Variants in GSE1 observed in about 807,000 individuals in gnomAD.
GSE1 encodes the protein genetic suppressor element 1.
GSE1 carries 32 observed loss-of-function variants against 112.6 expected under a neutral mutation model. The ratio of observed to expected loss-of-function variants is 0.28; its 90% CI spans 0.21 to 0.38. The LOEUF (loss-of-function observed/expected upper bound fraction) is 0.38, where lower values mean the gene tolerates loss of function less well. GSE1 is among the 10% of genes least tolerant of loss of function. The probability of loss-of-function intolerance (pLI) is 1.00; values close to 1 mark genes in which losing one functional copy is unlikely to be tolerated. For synonymous variants in GSE1, 1,115 were observed against 735.6 expected, an observed-to-expected ratio of 1.52 and a Z score of -8.35; for missense variants, 2,348 against 1,699.2, an observed-to-expected ratio of 1.38 and a Z score of -6.71.
At chr16:85,668,013 C>A in intron 13 of GSE1, 127 bp from the exon 14 acceptor site, 3 of 710,842 alleles carry the variant, frequency 4.2e-6, no homozygotes, top group South Asian at 4.0e-5. Context: ...TACGCGATGT[C>A]ATCTTGGTCC....
chr16:85,348,485 C>G (rs2046788760), intron 1 of GSE1, among the ~76,000 whole-genome samples: 1 of 152,214 alleles, frequency 6.6e-6, no homozygotes. Context: ...GGTCCCAGCT[C>G]TTTCTTGGTC....
At chr16:85,169,859 T>C (rs2074329723) in exon 1 of GSE1, 1 of 984,264 alleles carries the variant, frequency 1.0e-6, no homozygotes, top group Non-Finnish European at 1.2e-6. Flanking sequence ...GACAAGCGCA[T>C]GTACTGGCTC....
chr16:85,551,070 C>A (rs1013787189), upstream of GSE1, among the ~76,000 whole-genome samples: 1 of 152,060 alleles, frequency 6.6e-6, no homozygotes, highest in African/African-American at 2.4e-5. Context: ...CCCTTGGCGT[C>A]CCCAGTCTTT....
At chr16:85,169,867 C>T (rs2074329896) in exon 1 of GSE1, 2 of 984,484 alleles carry the variant, frequency 2.0e-6, no homozygotes, top group Non-Finnish European at 1.2e-6. Context: ...CATGTACTGG[C>T]TCAAGCGGCC....
intron 1 of GSE1, among the ~76,000 whole-genome samples, chr16:85,256,537 T>A: frequency 6.6e-6 from 1 of 152,240 alleles, no homozygotes; most frequent in Non-Finnish European, 1.5e-5. Flanking sequence ...GGCACGTTCC[T>A]TGGCGAAGCT....
At chr16:85,422,116 A>C (rs2048859009) in intron 2 of GSE1, among the ~76,000 whole-genome samples, 3 of 151,476 alleles carry the variant, frequency 2.0e-5, no homozygotes, top group South Asian at 2.1e-4. Context: ...TCGAACCCCC[A>C]TGTCCCCAGG....
At position 85,572,272 on chromosome 16, in the gene GSE1, AACACACCACATACCCCCACACACAAC is replaced by A. The variant is rs1184896123; in HGVS notation, c.37+15924_37+15949del. On this transcript the variant is annotated intron_variant, in intron 1 of 2. Transcript: ENST00000635906. ...CACCACACACAACCACACACACACCAACACACCACATACCCCCACACACAACACACACCACATACCACACAACACAC... is the reference window on the plus strand; with the variant it reads ...CACCACACACAACCACACACACACCAACACACCACATACCACACAACACAC... Among the ~76,000 whole-genome samples, 7 of 139,344 alleles carry A rather than the reference AACACACCACATACCCCCACACACAAC, an allele frequency of 5.0e-5. No individual in the cohort carries two copies. In the Admixed American group the frequency reaches 5.0e-4, roughly 10 times the overall value. 91.4% of individuals were successfully genotyped at this position (139,344 alleles called of 152,430 possible).
intron 1 of GSE1, among the ~76,000 whole-genome samples, chr16:85,329,444 G>T (rs2046293979): frequency 6.6e-6 from 1 of 152,030 alleles, no homozygotes; most frequent in South Asian, 2.1e-4. Context: ...CGGGCTGCTG[G>T]AAGGATATTA....
intron 2 of GSE1, among the ~76,000 whole-genome samples, chr16:85,396,779 G>C (rs1013689464): frequency 6.6e-6 from 1 of 152,246 alleles, no homozygotes; most frequent in Non-Finnish European, 1.5e-5. Flanking sequence ...GGCAGGGGAG[G>C]CTGTCTGGGA....
chr16:85,642,857 A>G (rs2050555532), intron 2 of GSE1, among the ~76,000 whole-genome samples: 1 of 151,688 alleles, frequency 6.6e-6, no homozygotes, highest in Non-Finnish European at 1.5e-5. Flanking sequence ...CTTTCCTTCC[A>G]TGCTCGCTGC....
chr16:85,580,125 G>A (rs2046388667), intron 1 of GSE1: 1 of 152,294 alleles, frequency 6.6e-6, no homozygotes, highest in Non-Finnish European at 1.5e-5. Flanking sequence ...CTGGGGGAAG[G>A]GCAGGCCATG....
intron 14 of GSE1, among the ~76,000 whole-genome samples, chr16:85,669,895 G>C (rs1339815752): frequency 6.6e-6 from 1 of 152,172 alleles, no homozygotes; most frequent in Non-Finnish European, 1.5e-5. Flanking sequence ...CCCCTGTCAG[G>C]CATGACCTGC....
At chr16:85,295,676 G>A (rs1429526699) in intron 1 of GSE1, among the ~76,000 whole-genome samples, 1 of 152,180 alleles carries the variant, frequency 6.6e-6, no homozygotes, top group Non-Finnish European at 1.5e-5. Flanking sequence ...GGCTGTCAAA[G>A]AATTTGTGGA....
upstream of GSE1, chr16:85,555,569 G>T (rs184673904): frequency 9.4e-3 from 8,630 of 916,230 alleles, 49 homozygotes; most frequent in Non-Finnish European, 1.0e-2. Flanking sequence ...TCTCCCGCTC[G>T]CCCCCTCCTC....
intron 2 of GSE1, among the ~76,000 whole-genome samples, chr16:85,382,537 C>T (rs1054580628): frequency 6.6e-6 from 1 of 152,186 alleles, no homozygotes; most frequent in African/African-American, 2.4e-5. Context: ...CCCGATGAGA[C>T]AGCAGAGCCC....
chr16:85,524,449 G>A lies in GSE1; in HGVS notation c.2465-109465G>A, dbSNP rs528522760. 7.9e-5 allele frequency among the ~76,000 whole-genome samples: 12 copies of A among 152,268 alleles called. No homozygotes were observed. In the South Asian group the frequency reaches 2.3e-3, roughly 29 times the overall value. On this transcript the variant is annotated intron_variant, in intron 2 of 2. Coordinates refer to the GSE1 transcript ENST00000637419. ...CATAAGGGCTCCTAAATGCCAGCAC[G>A]GCTGCCGTGGCTGTGGTGGTTGTCA...
At chr16:85,272,859 C>T (rs1026026974) in intron 1 of GSE1, among the ~76,000 whole-genome samples, 17 of 151,726 alleles carry the variant, frequency 1.1e-4, no homozygotes, top group Admixed American at 2.6e-4. Context: ...TCACTGCAAC[C>T]TCTGTCTCCC....
intron 2 of GSE1, among the ~76,000 whole-genome samples, chr16:85,408,571 T>C (rs545811374): frequency 2.9e-4 from 5 of 17,522 alleles, no homozygotes; most frequent in Admixed American, 4.9e-4. Flanking sequence ...TAATCCTCAC[T>C]GTTACACTCA....
intron 2 of GSE1, among the ~76,000 whole-genome samples, chr16:85,468,624 C>T (rs952073679): frequency 2.6e-5 from 4 of 151,976 alleles, no homozygotes; most frequent in East Asian, 2.0e-4. Flanking sequence ...CCCCAGCCCT[C>T]GTAGGGCCCT....
Sources: gnomAD v4.1 joint callset for allele counts (sites outside exome capture counted in the v4.1 genomes callset) on GRCh38, gnomAD v4.1.1 for gene constraint, MANE v1.5 for transcripts, NCBI Gene and HGNC (gene_info 2026-07-23, HGNC 2026-07-21) for gene names.